The following SENP7 variants were observed in gnomAD, a reference collection of about 807,000 sequenced individuals.
The protein encoded by SENP7 is SUMO specific peptidase 7, also known as sentrin-specific protease 7.
Under a neutral mutation model 141.2 loss-of-function variants are expected in SENP7, and 64 were observed. That is an observed-to-expected ratio of 0.45 (90% confidence interval 0.37 to 0.56). The LOEUF (loss-of-function observed/expected upper bound fraction) is 0.56, where lower values mean the gene tolerates loss of function less well. SENP7 is among the 20% of genes least tolerant of loss of function. The pLI is 0.00. For synonymous variants in SENP7, 382 were observed against 426.4 expected (o/e 0.90, Z 1.28); for missense variants, 1,025 against 1,212.2 (o/e 0.85, Z 2.29).
intron 5 of SENP7, among the ~76,000 whole-genome samples, chr3:101,404,219 AAC>A (rs897755332): frequency 6.6e-6 from 1 of 152,116 alleles, no homozygotes; most frequent in East Asian, 1.9e-4. Flanking sequence ...TACAAAAATA[AAC>A]ACACAGACTA....
intron 3 of SENP7, among the ~76,000 whole-genome samples, chr3:101,463,972 C>T (rs2063676491): frequency 6.6e-6 from 1 of 151,938 alleles, no homozygotes; most frequent in Non-Finnish European, 1.5e-5. Context: ...TTACAGGCAC[C>T]CACTACCATG....
At chr3:101,442,425 A>C (rs1275409559) in intron 4 of SENP7, among the ~76,000 whole-genome samples, 1 of 152,210 alleles carries the variant, frequency 6.6e-6, no homozygotes, top group East Asian at 1.9e-4. Context: ...CACAGTTCAC[A>C]ATAGGGTTCA....
At chr3:101,460,556 A>T (rs1265346750) in intron 3 of SENP7, among the ~76,000 whole-genome samples, 1 of 152,216 alleles carries the variant, frequency 6.6e-6, no homozygotes, top group African/African-American at 2.4e-5. Flanking sequence ...AAATGGAGAG[A>T]AGACCTAAAC....
intron 13 of SENP7, among the ~76,000 whole-genome samples, chr3:101,346,916 T>C (rs1414478964): frequency 7.2e-6 from 1 of 137,938 alleles, no homozygotes; most frequent in African/African-American, 2.7e-5. Context: ...AAAAAAAAAA[T>C]TTAATAAAAG....
chr3:101,430,794 C>T (rs2062137251), intron 4 of SENP7, among the ~76,000 whole-genome samples: 1 of 152,294 alleles, frequency 6.6e-6, no homozygotes, highest in Middle Eastern at 3.4e-3. Flanking sequence ...GATTTTAGAT[C>T]TTTCCTGCTT....
intron 3 of SENP7, among the ~76,000 whole-genome samples, chr3:101,463,382 T>TATATATATATAC (rs2063637894): frequency 4.4e-5 from 4 of 89,932 alleles, no homozygotes; most frequent in African/African-American, 1.5e-4. Context: ...TATATATATA[T>TATATATATATAC]ATATATATAT....
chr3:101,507,456 C>T (rs753155536), intron 1 of SENP7, among the ~76,000 whole-genome samples: 1 of 152,226 alleles, frequency 6.6e-6, no homozygotes, highest in Non-Finnish European at 1.5e-5. Context: ...CCCTCATCTA[C>T]ATCTTCTTCA....
chr3:101,463,386 T>C (rs1444705683), intron 3 of SENP7, among the ~76,000 whole-genome samples: 16 of 92,310 alleles, frequency 1.7e-4, no homozygotes, highest in African/African-American at 6.8e-4. Flanking sequence ...TATATATATA[T>C]ATATATATAT....
intron 4 of SENP7, among the ~76,000 whole-genome samples, chr3:101,444,781 T>C (rs1430009497): frequency 2.0e-5 from 3 of 151,088 alleles, no homozygotes; most frequent in Non-Finnish European, 4.4e-5. Flanking sequence ...TTGGGAGATA[T>C]ACCTAATGCT....
At chr3:101,479,794 G>C (rs1156979597) in intron 3 of SENP7, among the ~76,000 whole-genome samples, 1 of 135,322 alleles carries the variant, frequency 7.4e-6, no homozygotes, top group African/African-American at 2.8e-5. Flanking sequence ...AACAGAGTGA[G>C]ACTCTGTCAA....
At chr3:101,487,292 TA>T (rs1223255964) in intron 3 of SENP7, among the ~76,000 whole-genome samples, 6 of 152,182 alleles carry the variant, frequency 3.9e-5, no homozygotes, top group African/African-American at 1.4e-4. Context: ...TATATATATG[TA>T]AAAACATATA....
intron 4 of SENP7, among the ~76,000 whole-genome samples, chr3:101,432,216 G>A (rs1576332031): frequency 6.6e-6 from 1 of 152,338 alleles, no homozygotes; most frequent in East Asian, 1.9e-4. Context: ...TTGGGAAAGT[G>A]AGGGAAGAGT....
chr3:101,437,032 C>A (rs944498104), intron 4 of SENP7, among the ~76,000 whole-genome samples: 41 of 152,276 alleles, frequency 2.7e-4, no homozygotes, highest in African/African-American at 8.9e-4. Context: ...GGAGTATATT[C>A]AGCCATAAAA....
At chr3:101,458,459 T>A (rs1002051202) in intron 4 of SENP7, 1 of 152,282 alleles carries the variant, frequency 6.6e-6, no homozygotes, top group Non-Finnish European at 1.5e-5. Flanking sequence ...ATCCTCCAGA[T>A]ATTTAATTCC....
rs762465621 is a variant in SENP7 at position 101,331,987 on chromosome 3, A to G, written c.2696T>C (p.Ile899Thr). The change falls in exon 19 of 24, where the codon ATA becomes ACA. Residue 899 changes from isoleucine (I) to threonine (T), a missense_variant and splice_region_variant. Ile to Thr is a moderately conservative substitution (Grantham distance 89). This residue lies in a region of SENP7 where 295 missense variants were observed against 459.1 expected (regional missense o/e 0.64). Transcript: ENST00000394095. ...AQQSQNDNKT[I>T]DNDLRTTSTL... ...ACCATCTACGTTATGGATGTCACCTATTGTTTTGTTGTCATTTTGGGACTG... is the reference window on the plus strand; with the variant it reads ...ACCATCTACGTTATGGATGTCACCTGTTGTTTTGTTGTCATTTTGGGACTG... 6.2e-7 allele frequency: 1 copy of G among 1,612,878 alleles called. No homozygotes were observed. Among genetic ancestry groups the G allele is most frequent in the Non-Finnish European group, 8.5e-7 (1 of 1,179,296 alleles).
chr3:101,357,872 T>C, intron 11 of SENP7: 2 of 560,686 alleles, frequency 3.6e-6, no homozygotes, highest in South Asian at 3.4e-5. Flanking sequence ...GCAAAGCCTT[T>C]AAGCTGCCTC....
chr3:101,378,172 A>C (rs2060390577), intron 6 of SENP7, among the ~76,000 whole-genome samples: 1 of 151,968 alleles, frequency 6.6e-6, no homozygotes, highest in South Asian at 2.1e-4. Context: ...AAAACAAAAA[A>C]CAAAAAGAAA....
chr3:101,494,872 G>GAC (rs1285513521), intron 2 of SENP7, among the ~76,000 whole-genome samples: 2 of 151,974 alleles, frequency 1.3e-5, no homozygotes, highest in African/African-American at 4.8e-5. Flanking sequence ...TACCATTCAG[G>GAC]ACATAGGCAC....
chr3:101,393,927 T>C (rs2060887717), intron 6 of SENP7, among the ~76,000 whole-genome samples: 1 of 152,204 alleles, frequency 6.6e-6, no homozygotes, highest in South Asian at 2.1e-4. Context: ...TTATCTGGGG[T>C]ATCCATCACC....
Sources: gnomAD v4.1 joint callset for allele counts (sites outside exome capture counted in the v4.1 genomes callset) on GRCh38, gnomAD v4.1.1 for gene constraint, gnomAD v4.1.1 regional missense constraint, MANE v1.5 for transcripts, NCBI Gene and HGNC (gene_info 2026-07-23, HGNC 2026-07-21) for gene names.